The following ATP2A2 variants were observed in gnomAD, a reference collection of about 807,000 sequenced individuals.
The protein encoded by ATP2A2 is sarcoplasmic/endoplasmic reticulum calcium ATPase 2.
In ATP2A2, 14 loss-of-function variants were observed where a neutral mutation model predicts 109.3. That is an observed-to-expected ratio of 0.13 (90% CI 0.08 to 0.20). The LOEUF is 0.20. ATP2A2 is among the 10% of genes least tolerant of loss of function. ATP2A2 has a pLI of 1.00. For synonymous variants in ATP2A2, 506 were observed against 490.9 expected, an observed-to-expected ratio of 1.03 and a Z score of -0.41; for missense variants, 657 against 1,321.6, an observed-to-expected ratio of 0.50 and a Z score of 7.80.
At chr12:110,345,493 AAAAG>A in intron 18 of ATP2A2, 111 bp downstream of exon 18, 2 of 1,505,448 alleles carry the variant, frequency 1.3e-6, no homozygotes, top group African/African-American at 1.4e-5. Flanking sequence ...TTCCCTTCCC[AAAAG>A]AAAGGAGAAC....
Position 110,327,732 on chromosome 12 carries a change from A to G in ATP2A2, c.810A>G (p.Ala270=), listed in dbSNP as rs1043346857. The G allele has an allele frequency of 1.2e-6, 2 of 1,614,170 alleles. No homozygotes were observed. The highest frequency in any genetic ancestry group is 1.7e-6 in the Non-Finnish European group (2 of 1,180,036). Residue 270 remains alanine, a synonymous_variant, in exon 8 of 20, where the codon GCA becomes GCG. Coordinates refer to ENST00000539276, the MANE Select transcript of ATP2A2 (RefSeq NM_170665.4). This position sits in a 1 kb window ranked among gnomAD's most constrained non-coding sequence, Gnocchi z 4.4. ...AAGTCATCTCCCTTATTTGCATTGC[A>G]GTCTGGATCATAAATATTGGGCACT... ...LSKVISLICI[A]VWIINIGHFN... is the part of the protein sequence containing the mutation.
rs769422753 is a variant in ATP2A2, at chr12:110,347,014, C to G, written c.*544C>G. The G allele has an allele frequency of 7.3e-6, 8 of 1,100,552 alleles. No individual in the cohort carries two copies. The highest frequency in any genetic ancestry group is 7.8e-6 in the Non-Finnish European group (7 of 899,634). 68.2% of individuals were successfully genotyped at this position (1,100,552 alleles called of 1,614,324 possible). ...TACTTCCCTCACCCACTTTGGCCTCCGTTCACCCCACCCCACCCCACCTCT... is the reference window on the plus strand; with the variant it reads ...TACTTCCCTCACCCACTTTGGCCTCGGTTCACCCCACCCCACCCCACCTCT... On this transcript the variant is annotated 3_prime_UTR_variant, in exon 20 of 20. Coordinates refer to ENST00000539276, the MANE Select transcript of ATP2A2 (RefSeq NM_170665.4).
chr12:110,292,414 G>C (rs1490738117), intron 4 of ATP2A2, among the ~76,000 whole-genome samples: 2 of 151,902 alleles, frequency 1.3e-5, no homozygotes, highest in Non-Finnish European at 2.9e-5. Context: ...CTACAGGCAC[G>C]CACCACCACG....
At chr12:110,293,860 G>GTA (rs1566203975) in intron 4 of ATP2A2, among the ~76,000 whole-genome samples, 4 of 125,314 alleles carry the variant, frequency 3.2e-5, no homozygotes, top group African/African-American at 6.7e-5. Flanking sequence ...GTGTGTGTGT[G>GTA]TGTGTATATA....
chr12:110,304,997 G>A (rs1875117217), intron 5 of ATP2A2, among the ~76,000 whole-genome samples: 2 of 151,940 alleles, frequency 1.3e-5, no homozygotes, highest in Admixed American at 6.6e-5. Flanking sequence ...CGAGTGGCAT[G>A]ATCTCGGCTC....
intron 3 of ATP2A2, 77 bp downstream of exon 3, chr12:110,282,872 G>A: frequency 8.3e-7 from 1 of 1,207,064 alleles, no homozygotes; most frequent in Non-Finnish European, 1.2e-6. Context: ...AACAAATGAT[G>A]TCCATTGGGT....
intron 5 of ATP2A2, among the ~76,000 whole-genome samples, chr12:110,298,322 TTGTGTGTAAATGG>T (rs1874184467): frequency 1.3e-5 from 2 of 152,202 alleles, no homozygotes; most frequent in South Asian, 2.1e-4. Context: ...TGTGTAGTGT[TTGTGTGTAAATGG>T]TGTGTGTAAA....
rs202143150 is a variant in ATP2A2 at position 110,302,001 on chromosome 12, C to T, written c.463+5264C>T. 2.4e-4 allele frequency among the ~76,000 whole-genome samples: 37 copies of T among 152,160 alleles called. No homozygotes were observed. In the East Asian group the frequency reaches 5.6e-3, roughly 23 times the overall value. ...CTTTCTCACACTGAAATTTCATTTTCTATATTGTAATATAGTTTTGTTGTT... is the reference window on the plus strand; with the variant it reads ...CTTTCTCACACTGAAATTTCATTTTTTATATTGTAATATAGTTTTGTTGTT... On this transcript the variant is annotated intron_variant, in intron 5 of 19. Coordinates refer to ENST00000539276, the MANE Select transcript of ATP2A2 (RefSeq NM_170665.4).
Position 110,347,364 on chromosome 12 carries a change from C to G in ATP2A2, c.*894C>G, listed in dbSNP as rs1037283505. Reference sequence around the variant, plus strand: ...TAACTCGTAAGTGGCTTACCTGGGACTAACAGACATGTCCAACTTTCTCTC... The same window carrying G: ...TAACTCGTAAGTGGCTTACCTGGGAGTAACAGACATGTCCAACTTTCTCTC... On this transcript the variant is annotated 3_prime_UTR_variant, in exon 20 of 20. Transcript: ENST00000539276. 1.3e-5 allele frequency: 17 copies of G among 1,289,064 alleles called. No individual in the cohort carries two copies. Among genetic ancestry groups the G allele is most frequent in the African/African-American group, 3.0e-5 (2 of 65,838 alleles). The allele number at this position is 1,289,064 out of a possible 1,614,324, so 79.9% of individuals were successfully genotyped here.
chr12:110,295,423 C>T (rs1289316315), intron 4 of ATP2A2, among the ~76,000 whole-genome samples: 1 of 152,128 alleles, frequency 6.6e-6, no homozygotes, highest in Non-Finnish European at 1.5e-5. Flanking sequence ...CTCAGCCTCC[C>T]AAAAGTGCTG....
At chr12:110,287,578 T>C (rs1402214299) in intron 3 of ATP2A2, among the ~76,000 whole-genome samples, 1 of 152,192 alleles carries the variant, frequency 6.6e-6, no homozygotes, top group African/African-American at 2.4e-5. Context: ...TCTTCTCTTT[T>C]ACTTTTCTTT....
At chr12:110,323,373 T>C (rs1480285188) in intron 6 of ATP2A2, among the ~76,000 whole-genome samples, 1 of 152,222 alleles carries the variant, frequency 6.6e-6, no homozygotes, top group African/African-American at 2.4e-5. Context: ...TTATTAGAGA[T>C]GGGGTTTTAC....
intron 5 of ATP2A2, among the ~76,000 whole-genome samples, chr12:110,303,706 G>A (rs1224326716): frequency 6.6e-6 from 1 of 151,980 alleles, no homozygotes; most frequent in African/African-American, 2.4e-5. Flanking sequence ...GAGCCACCGC[G>A]CCCAGCCACG....
chr12:110,307,212 G>GCC (rs1354250541), intron 5 of ATP2A2, among the ~76,000 whole-genome samples: 1 of 137,908 alleles, frequency 7.3e-6, no homozygotes, highest in Non-Finnish European at 1.5e-5. Context: ...GTTCCCCCCA[G>GCC]CCCCACCACC....
intron 5 of ATP2A2, among the ~76,000 whole-genome samples, chr12:110,299,113 G>A (rs1030702033): frequency 1.3e-5 from 2 of 151,994 alleles, no homozygotes; most frequent in African/African-American, 2.4e-5. Flanking sequence ...GGGATCACAG[G>A]CATGAGCAAC....
chr12:110,281,806 C>T lies in ATP2A2; in HGVS notation c.17C>T (p.Thr6Ile). 6.5e-7 allele frequency: 1 copy of T among 1,541,442 alleles called. No individual in the cohort carries two copies. Among genetic ancestry groups the T allele is most frequent in the East Asian group, 2.5e-5 (1 of 39,654 alleles). The change falls in exon 1 of 20, where the codon ACC becomes ATC. Residue 6 changes from threonine to isoleucine, a missense_variant. Physicochemically the swap from Thr to Ile is moderately conservative, Grantham distance 89. Coordinates refer to ENST00000539276, the MANE Select transcript of ATP2A2 (RefSeq NM_170665.4). The stretch of plus-strand genomic sequence containing the variant: ...CCCGAAGCCATGGAGAACGCGCACA[C>T]CAAGACGGTGGAGGAGGTGCTGGGC... MENAHTKTVEEVLGHF... is the reference protein window; with the variant it reads MENAHIKTVEEVLGHF...
At chr12:110,306,056 G>A (rs1461058309) in intron 5 of ATP2A2, among the ~76,000 whole-genome samples, 2 of 152,094 alleles carry the variant, frequency 1.3e-5, no homozygotes, top group Non-Finnish European at 2.9e-5. Flanking sequence ...TTTTGAGACG[G>A]AGTCTCGCTC....
In ATP2A2 at chr12:110,346,333, G is replaced by T. The variant is rs532317155; in HGVS notation, c.2992G>T (p.Val998Leu). Residue 998 changes from valine (V) to leucine (L), a missense_variant, in exon 20 of 20, where the codon GTG (valine) becomes TTG (leucine). Val to Leu is a conservative substitution (Grantham distance 32). Coordinates refer to ENST00000539276, the MANE Select transcript of ATP2A2 (RefSeq NM_170665.4). ...RNYLEPGKEC[V>L]QPATKSCSFS... ...CTACCTGGAACCTGGTAAAGAGTGTGTGCAGCCTGCCACCAAATCCTGCTC... is the reference window on the plus strand; with the variant it reads ...CTACCTGGAACCTGGTAAAGAGTGTTTGCAGCCTGCCACCAAATCCTGCTC... 3.5e-5 allele frequency: 56 copies of T among 1,614,174 alleles called. No individual in the cohort carries two copies. In the East Asian group the frequency reaches 1.0e-3, roughly 30 times the overall value.
intron 5 of ATP2A2, among the ~76,000 whole-genome samples, chr12:110,305,222 C>T (rs1875151433): frequency 6.6e-6 from 1 of 152,182 alleles, no homozygotes; most frequent in African/African-American, 2.4e-5. Flanking sequence ...GCAAGAGCCA[C>T]CATGCCCAGC....
Sources: gnomAD v4.1 joint callset for allele counts (sites outside exome capture counted in the v4.1 genomes callset) on GRCh38, gnomAD v4.1.1 for gene constraint, Gnocchi (gnomAD v3.1) non-coding constraint, MANE v1.5 for transcripts, NCBI Gene and HGNC (gene_info 2026-07-23, HGNC 2026-07-21) for gene names.